CDH12: variants seen among roughly 807,000 people sequenced by gnomAD.
CDH12 encodes cadherin-12.
In CDH12, 41 loss-of-function variants were observed where a neutral mutation model predicts 74.1. The observed-to-expected ratio is 0.55, with a 90% CI of 0.43 to 0.72. The LOEUF is 0.72. Ranked by LOEUF, CDH12 falls within the 30% of genes least tolerant of loss-of-function variation. CDH12 has a pLI of 0.00. For synonymous variants in CDH12, 399 were observed against 355.0 expected (o/e 1.12, Z -1.39); for missense variants, 945 against 977.2 (o/e 0.97, Z 0.44).
intron 1 of CDH12, among the ~76,000 whole-genome samples, chr5:22,549,748 T>G (rs961474635): frequency 6.6e-6 from 1 of 152,202 alleles, no homozygotes; most frequent in Non-Finnish European, 1.5e-5. Flanking sequence ...TGTGAGATAA[T>G]TGAATGTTGA....
chr5:22,038,641 G>T (rs984217307), intron 5 of CDH12, among the ~76,000 whole-genome samples: 1 of 152,118 alleles, frequency 6.6e-6, no homozygotes, highest in Non-Finnish European at 1.5e-5. Context: ...GCCACCATTC[G>T]TGCCTAAGTT....
chr5:22,633,584 C>T (rs1326676491), intron 1 of CDH12, among the ~76,000 whole-genome samples: 1 of 152,056 alleles, frequency 6.6e-6, no homozygotes, highest in East Asian at 1.9e-4. Context: ...TGGGCCTCAT[C>T]CCATTTCTTC....
At chr5:22,760,291 A>T (rs1482360496) in intron 1 of CDH12, among the ~76,000 whole-genome samples, 1 of 152,220 alleles carries the variant, frequency 6.6e-6, no homozygotes, top group Non-Finnish European at 1.5e-5. Flanking sequence ...AGGTGATAAG[A>T]TTCATGAGAA....
At chr5:22,435,507 T>TGC (rs1413851700) in intron 2 of CDH12, among the ~76,000 whole-genome samples, 9 of 119,538 alleles carry the variant, frequency 7.5e-5, no homozygotes, top group African/African-American at 2.7e-4. Context: ...TATGTGTGTG[T>TGC]GTGTGTGTGT....
At chr5:22,604,113 G>T (rs1736982683) in intron 1 of CDH12, among the ~76,000 whole-genome samples, 2 of 152,308 alleles carry the variant, frequency 1.3e-5, no homozygotes, top group South Asian at 4.1e-4. Flanking sequence ...TCAGAATATA[G>T]GAAATCCAGA....
chr5:21,783,271 T>C (rs1234329068), intron 11 of CDH12, 87 bp downstream of exon 11: 4 of 1,231,552 alleles, frequency 3.2e-6, no homozygotes, highest in East Asian at 4.9e-5. Context: ...AGTCCAAAAA[T>C]GAAAAACATC....
intron 9 of CDH12, among the ~76,000 whole-genome samples, chr5:21,804,289 TA>T (rs1468049127): frequency 6.6e-6 from 1 of 152,092 alleles, no homozygotes; most frequent in Non-Finnish European, 1.5e-5. Context: ...AATAGAAGTG[TA>T]GTATCTGAAA....
At chr5:22,153,909 CACAT>C (rs1307320335) in intron 4 of CDH12, among the ~76,000 whole-genome samples, 4 of 101,690 alleles carry the variant, frequency 3.9e-5, no homozygotes, top group African/African-American at 7.2e-5. Context: ...TATATACACA[CACAT>C]ACACACACAC....
At chr5:22,035,399 T>C (rs935472220) in intron 5 of CDH12, among the ~76,000 whole-genome samples, 9 of 152,008 alleles carry the variant, frequency 5.9e-5, no homozygotes, top group African/African-American at 1.9e-4. Context: ...TATATATATA[T>C]ATATGCATGT....
chr5:22,279,522 T>G (rs866896170), intron 3 of CDH12, among the ~76,000 whole-genome samples: 4 of 151,840 alleles, frequency 2.6e-5, no homozygotes, highest in Non-Finnish European at 5.9e-5. Flanking sequence ...TTATCCCTCC[T>G]CCCCTCCCCC....
intron 6 of CDH12, among the ~76,000 whole-genome samples, chr5:21,926,127 T>C (rs1220112766): frequency 6.6e-6 from 1 of 152,164 alleles, no homozygotes; most frequent in African/African-American, 2.4e-5. Context: ...GACACTTTGA[T>C]GTGTTGTGCA....
rs150430468 is a variant in CDH12, at chr5:22,275,937, T to C, written c.-332-63294A>G. On this transcript the variant is annotated intron_variant, in intron 3 of 14. Transcript: ENST00000382254. The stretch of plus-strand genomic sequence containing the variant: ...TCCTGCATAGCAAATATTTTAAAGT[T>C]ACCCTATTTCTGATGAAATATGGAG... 6.2e-3 allele frequency among the ~76,000 whole-genome samples: 948 copies of C among 152,316 alleles called. 5 individuals are homozygous for C. Among genetic ancestry groups the C allele is most frequent in the Non-Finnish European group, 9.5e-3 (647 of 68,024 alleles).
intron 4 of CDH12, among the ~76,000 whole-genome samples, chr5:22,159,632 G>A (rs1748212546): frequency 6.6e-6 from 1 of 152,020 alleles, no homozygotes; most frequent in South Asian, 2.1e-4. Flanking sequence ...TGTCTGCATT[G>A]CACATATTTA....
intron 1 of CDH12, among the ~76,000 whole-genome samples, chr5:22,705,811 T>C (rs974985736): frequency 5.9e-5 from 9 of 152,204 alleles, no homozygotes; most frequent in African/African-American, 2.2e-4. Context: ...TGCTTTTATG[T>C]GTTTGTTAAT....
At chr5:22,785,161 C>T (rs78240688) in intron 1 of CDH12, among the ~76,000 whole-genome samples, 2 of 152,102 alleles carry the variant, frequency 1.3e-5, no homozygotes, top group Non-Finnish European at 2.9e-5. Context: ...TCCTGATGCT[C>T]GCCCACTCTG....
At chr5:22,247,696 A>G (rs1753000743) in intron 3 of CDH12, among the ~76,000 whole-genome samples, 1 of 152,074 alleles carries the variant, frequency 6.6e-6, no homozygotes, top group Admixed American at 6.6e-5. Context: ...AGAAAAGAAA[A>G]GTATTTGGTA....
chr5:22,681,241 G>GTA (rs1159810923), intron 1 of CDH12, among the ~76,000 whole-genome samples: 60 of 151,358 alleles, frequency 4.0e-4, no homozygotes, highest in African/African-American at 1.5e-3. Context: ...GTGTGTGTGT[G>GTA]TGTGTGTGTG....
intron 1 of CDH12, among the ~76,000 whole-genome samples, chr5:22,516,128 T>C (rs1240786338): frequency 6.6e-6 from 1 of 152,134 alleles, no homozygotes; most frequent in Non-Finnish European, 1.5e-5. Flanking sequence ...CATAATGAGA[T>C]ACTATGAACA....
intron 1 of CDH12, among the ~76,000 whole-genome samples, chr5:22,747,393 A>G (rs938703923): frequency 2.0e-5 from 3 of 151,046 alleles, no homozygotes; most frequent in Admixed American, 6.6e-5. Flanking sequence ...GGAGGCCAAC[A>G]TGGGCAGATT....
Sources: gnomAD v4.1 joint callset for allele counts (sites outside exome capture counted in the v4.1 genomes callset) on GRCh38, gnomAD v4.1.1 for gene constraint, MANE v1.5 for transcripts, NCBI Gene and HGNC (gene_info 2026-07-23, HGNC 2026-07-21) for gene names.